Variants in FAM107B observed in about 807,000 individuals in gnomAD.
FAM107B encodes family with sequence similarity 107 member B.
In FAM107B, 21 loss-of-function variants were observed where a neutral mutation model predicts 31.5. The observed-to-expected ratio is 0.67, with a 90% confidence interval of 0.47 to 0.96. The LOEUF (loss-of-function observed/expected upper bound fraction) is 0.96. FAM107B is among the 40% of genes least tolerant of loss of function. The probability of loss-of-function intolerance (pLI) is 0.00; values close to 1 mark genes in which losing one functional copy is unlikely to be tolerated. For missense variants in FAM107B, 452 were observed against 377.1 expected (o/e 1.20, Z -1.64); for synonymous variants, 157 against 141.5 (o/e 1.11, Z -0.78).
chr10:14,629,302 T>C lies in FAM107B; in HGVS notation c.469+38332A>G, dbSNP rs1384755063. ...ATATTATAAATATAAATTGTATAAATATATAATATATATAATATATAAATT... is the reference window on the plus strand; with the variant it reads ...ATATTATAAATATAAATTGTATAAACATATAATATATATAATATATAAATT... On this transcript the variant is annotated intron_variant, in intron 2 of 4. Coordinates refer to ENST00000181796, the MANE Select transcript of FAM107B (RefSeq NM_031453.4). Among the ~76,000 whole-genome samples the C allele has an allele frequency of 7.1e-5, 5 of 70,582 alleles. 1 individual carries two copies. The Admixed American group carries it at 1.1e-3, about 16-fold the overall frequency. 46.3% of individuals were successfully genotyped at this position (70,582 alleles called of 152,430 possible). A position where few individuals can be genotyped will look rare whatever the true frequency, so the allele number is the denominator to read the frequency against.
At chr10:14,704,836 C>T (rs1855482640) in intron 1 of FAM107B, among the ~76,000 whole-genome samples, 1 of 151,836 alleles carries the variant, frequency 6.6e-6, no homozygotes, top group Non-Finnish European at 1.5e-5. Context: ...CCAGCCTGGC[C>T]AACATGATGA....
chr10:14,623,453 A>T (rs1051283939), intron 2 of FAM107B, among the ~76,000 whole-genome samples: 1 of 152,274 alleles, frequency 6.6e-6, no homozygotes, highest in Non-Finnish European at 1.5e-5. Flanking sequence ...AGAGTGACCA[A>T]CACAGAGAGC....
intron 2 of FAM107B, chr10:14,553,257 C>T (rs1359600694): frequency 1.1e-6 from 1 of 910,754 alleles, no homozygotes; most frequent in East Asian, 7.2e-5. Flanking sequence ...GTAAGTTTTT[C>T]CCCTACATCA....
At chr10:14,656,015 G>A (rs150174447) in intron 2 of FAM107B, among the ~76,000 whole-genome samples, 254 of 152,194 alleles carry the variant, frequency 1.7e-3, no homozygotes, top group Non-Finnish European at 3.0e-3. Flanking sequence ...GCTGAGTGTC[G>A]GCCATGCACT....
At chr10:14,614,587 T>C (rs1245117899) in intron 2 of FAM107B, among the ~76,000 whole-genome samples, 3 of 149,606 alleles carry the variant, frequency 2.0e-5, no homozygotes, top group Admixed American at 2.0e-4. Flanking sequence ...ACAGGAGAAT[T>C]GCTTGAACCC....
intron 2 of FAM107B, among the ~76,000 whole-genome samples, chr10:14,588,005 G>GCC (rs1162522315): frequency 6.6e-6 from 1 of 152,172 alleles, no homozygotes; most frequent in African/African-American, 2.4e-5. Context: ...ATTTAAAAAA[G>GCC]ACTATCTAAT....
At chr10:14,698,777 C>T (rs150884670) in intron 1 of FAM107B, among the ~76,000 whole-genome samples, 44 of 152,290 alleles carry the variant, frequency 2.9e-4, no homozygotes, top group African/African-American at 8.2e-4. Context: ...AGACGTTGCC[C>T]GGCCCTCTTT....
chr10:14,550,159 C>T (rs945112580), intron 2 of FAM107B, among the ~76,000 whole-genome samples: 3 of 152,144 alleles, frequency 2.0e-5, no homozygotes, highest in South Asian at 2.1e-4. Context: ...TGAAGTGATC[C>T]GATTTATCTT....
chr10:14,615,021 T>C (rs1009214160), intron 2 of FAM107B, among the ~76,000 whole-genome samples: 1 of 152,168 alleles, frequency 6.6e-6, no homozygotes, highest in Non-Finnish European at 1.5e-5. Flanking sequence ...TTCACTGTTT[T>C]GCTTGTTTTT....
intron 2 of FAM107B, among the ~76,000 whole-genome samples, chr10:14,631,904 C>G (rs1853362900): frequency 6.6e-6 from 1 of 152,122 alleles, no homozygotes; most frequent in Non-Finnish European, 1.5e-5. Context: ...CAAGTGACGG[C>G]TTTTATAAGG....
chr10:14,583,870 G>C (rs927809692), intron 2 of FAM107B, among the ~76,000 whole-genome samples: 2 of 152,162 alleles, frequency 1.3e-5, no homozygotes, highest in African/African-American at 4.8e-5. Flanking sequence ...TCCAGGGCCT[G>C]GGACACAATA....
At position 14,726,258 on chromosome 10, in the gene FAM107B, A is replaced by G. The variant is rs145499265; in HGVS notation, c.411+47995T>C. On this transcript the variant is annotated intron_variant, in intron 1 of 4. Coordinates refer to ENST00000181796, the MANE Select transcript of FAM107B (RefSeq NM_031453.4). ...TCTGCCTGCCTCGGCCTCCCAAAGT[A>G]CTGGGATTACAGGCGTGAGCCACCG... Among the ~76,000 whole-genome samples, 524 of 152,140 alleles carry G rather than the reference A, an allele frequency of 3.4e-3. 12 individuals carry two copies. The East Asian group carries it at 0.046, about 13-fold the overall frequency.
At chr10:14,762,957 T>C (rs1328485747) in intron 1 of FAM107B, among the ~76,000 whole-genome samples, 4 of 152,088 alleles carry the variant, frequency 2.6e-5, no homozygotes, top group Admixed American at 2.6e-4. Context: ...ATTCATGCAA[T>C]GAGCTACTAT....
intron 1 of FAM107B, among the ~76,000 whole-genome samples, chr10:14,736,585 T>G (rs1263383341): frequency 6.6e-6 from 1 of 152,198 alleles, no homozygotes; most frequent in African/African-American, 2.4e-5. Flanking sequence ...AAACACATTA[T>G]CACTCAATCT....
At chr10:14,711,858 G>C (rs1298593523) in intron 1 of FAM107B, among the ~76,000 whole-genome samples, 2 of 152,158 alleles carry the variant, frequency 1.3e-5, no homozygotes, top group African/African-American at 4.8e-5. Context: ...TGGCCAGGCT[G>C]GTCTCAAACT....
intron 2 of FAM107B, among the ~76,000 whole-genome samples, chr10:14,541,286 G>A (rs889344287): frequency 5.9e-5 from 9 of 152,300 alleles, no homozygotes; most frequent in African/African-American, 1.7e-4. Context: ...CTACCAAGCC[G>A]AGCATCACTG....
chr10:14,566,528 G>A lies in FAM107B; in HGVS notation c.470-36013C>T, dbSNP rs767242121. On this transcript the variant is annotated intron_variant, in intron 2 of 4. Transcript: ENST00000181796. The stretch of plus-strand genomic sequence containing the variant: ...CCTCTGATGAGACCACAGCCCTGGC[G>A]CCCACCTGGACAGCAGCCTGGTGAG... Among the ~76,000 whole-genome samples the A allele has an allele frequency of 4.0e-4, 61 of 152,232 alleles. 1 individual carries two copies. The Middle Eastern group carries it at 0.02, about 51-fold the overall frequency.
At chr10:14,636,375 A>AATGT (rs1220895285) in intron 2 of FAM107B, among the ~76,000 whole-genome samples, 2 of 152,026 alleles carry the variant, frequency 1.3e-5, no homozygotes, top group African/African-American at 4.8e-5. Context: ...CATAAAACTA[A>AATGT]ATGTATACGT....
At chr10:14,752,360 T>C (rs142362029) in intron 1 of FAM107B, among the ~76,000 whole-genome samples, 38 of 152,358 alleles carry the variant, frequency 2.5e-4, no homozygotes, top group African/African-American at 8.9e-4. Flanking sequence ...CATCCAGCTT[T>C]GCAGTTTCTC....
Sources: allele counts gnomAD v4.1 joint callset (sites outside exome capture counted in the v4.1 genomes callset), GRCh38; gene constraint gnomAD v4.1.1; transcripts MANE v1.5; gene names NCBI Gene and HGNC (gene_info 2026-07-23, HGNC 2026-07-21).